LRRC7: variants seen among roughly 807,000 people sequenced by gnomAD.
The protein encoded by LRRC7 is leucine rich repeat containing 7, also known as leucine-rich repeat-containing protein 7.
A neutral mutation model predicts 175.7 loss-of-function variants in LRRC7; 23 were observed. The ratio of observed to expected loss-of-function variants is 0.13; its 90% confidence interval spans 0.09 to 0.19. The LOEUF (loss-of-function observed/expected upper bound fraction) is 0.19, where lower values mean the gene tolerates loss of function less well. Among genes scored for constraint, LRRC7 ranks in the 10% least tolerant of loss-of-function variants. The pLI is 1.00. For synonymous variants in LRRC7, 685 were observed against 680.9 expected, an observed-to-expected ratio of 1.01 and a Z score of -0.09; for missense variants, 1,354 against 1,904.7, an observed-to-expected ratio of 0.71 and a Z score of 5.38.
intron 8 of LRRC7, among the ~76,000 whole-genome samples, chr1:69,934,770 A>G (rs1647813205): frequency 6.6e-6 from 1 of 152,132 alleles, no homozygotes; most frequent in South Asian, 2.1e-4. Flanking sequence ...ATGGAACCAG[A>G]TAACATTAAC....
intron 1 of LRRC7, among the ~76,000 whole-genome samples, chr1:69,642,122 C>T (rs1414451598): frequency 6.6e-6 from 1 of 151,850 alleles, no homozygotes; most frequent in African/African-American, 2.4e-5. Context: ...TAATAGTTTA[C>T]AAGGCCTATT....
chr1:69,717,783 A>AAAGG (rs1665573481), intron 2 of LRRC7, among the ~76,000 whole-genome samples: 1 of 25,212 alleles, frequency 4.0e-5, no homozygotes. Flanking sequence ...AGAAAGAAAG[A>AAAGG]AAGAAAGAAA....
chr1:70,132,018 T>C lies in LRRC7; in HGVS notation c.*10131T>C, dbSNP rs1378687486. Among the ~76,000 whole-genome samples the C allele has an allele frequency of 6.6e-6, 1 of 152,016 alleles. No homozygotes were observed. Among genetic ancestry groups the C allele is most frequent in the Non-Finnish European group, 1.5e-5 (1 of 67,990 alleles). The stretch of plus-strand genomic sequence containing the variant: ...GGGAAAGAGGGGAATTAATAAGTTA[T>C]TAAGGAAGAAAGAATGAGAAAGACA... On this transcript the variant is annotated 3_prime_UTR_variant, in exon 27 of 27. Coordinates refer to ENST00000651989, the MANE Select transcript of LRRC7 (RefSeq NM_001370785.2).
rs1666257688 is a variant in LRRC7, at chr1:70,122,406, A to G, written c.*519A>G. On this transcript the variant is annotated 3_prime_UTR_variant, in exon 27 of 27. Coordinates refer to ENST00000651989, the MANE Select transcript of LRRC7 (RefSeq NM_001370785.2). ...ACTAAACATCTCAGATAGAGAAAAAATATATCTTAAAATAAGACTTTACTA... is the reference window on the plus strand; with the variant it reads ...ACTAAACATCTCAGATAGAGAAAAAGTATATCTTAAAATAAGACTTTACTA... 1 of 152,224 alleles carries G rather than the reference A, an allele frequency of 6.6e-6. No individual in the cohort carries two copies. The highest frequency in any genetic ancestry group is 2.1e-4 in the South Asian group (1 of 4,840). 9.4% of individuals were successfully genotyped at this position (152,224 alleles called of 1,614,324 possible). A position where few individuals can be genotyped will look rare whatever the true frequency, so the allele number is the denominator to read the frequency against.
chr1:69,936,596 G>A (rs1648053313), intron 8 of LRRC7, among the ~76,000 whole-genome samples: 1 of 152,090 alleles, frequency 6.6e-6, no homozygotes. Context: ...TTCAGGTGGT[G>A]CATGTGCAGG....
chr1:70,023,062 A>G (rs1657682788), intron 16 of LRRC7, 64 bp from the exon 17 acceptor site: 2 of 1,363,560 alleles, frequency 1.5e-6, no homozygotes, highest in Admixed American at 2.7e-5. Context: ...GAAAAATGAT[A>G]AAGTGAAAGT....
At chr1:69,656,125 A>G (rs1416751210) in intron 1 of LRRC7, among the ~76,000 whole-genome samples, 1 of 152,024 alleles carries the variant, frequency 6.6e-6, no homozygotes, top group African/African-American at 2.4e-5. Flanking sequence ...AATGGGATGC[A>G]AAAGAGCCAG....
intron 1 of LRRC7, among the ~76,000 whole-genome samples, chr1:69,643,663 G>A (rs1326692854): frequency 6.6e-6 from 1 of 152,052 alleles, no homozygotes; most frequent in Admixed American, 6.6e-5. Flanking sequence ...CCCTCTCTCT[G>A]TTTAAAATTA....
chr1:69,959,230 T>C (rs913944390), intron 8 of LRRC7, among the ~76,000 whole-genome samples: 5 of 152,142 alleles, frequency 3.3e-5, no homozygotes, highest in Non-Finnish European at 5.9e-5. Context: ...ATTCAACCAA[T>C]GTTAAGTTCA....
chr1:69,568,701 C>T (rs999337940), intron 1 of LRRC7, 60 bp downstream of exon 1: 206 of 1,272,304 alleles, frequency 1.6e-4, no homozygotes, highest in Non-Finnish European at 2.0e-4. Context: ...CCGCGGCGAC[C>T]GTAGGCGCGC....
At chr1:69,608,899 TACACACACACACAC>T (rs1349854926) in intron 1 of LRRC7, among the ~76,000 whole-genome samples, 6 of 123,722 alleles carry the variant, frequency 4.8e-5, no homozygotes, top group African/African-American at 9.4e-5. Flanking sequence ...TATATATATA[TACACACACACACAC>T]ATATATATAA....
intron 21 of LRRC7, among the ~76,000 whole-genome samples, chr1:70,042,356 C>A (rs1659980531): frequency 6.6e-6 from 1 of 152,170 alleles, no homozygotes; most frequent in South Asian, 2.1e-4. Flanking sequence ...GCTTCTTTCC[C>A]AGTGAAATTT....
chr1:69,939,938 A>G (rs1648540604), intron 8 of LRRC7, among the ~76,000 whole-genome samples: 1 of 152,128 alleles, frequency 6.6e-6, no homozygotes, highest in Non-Finnish European at 1.5e-5. Context: ...TGAAGCATCA[A>G]TCCCAATTTA....
chr1:69,910,249 G>A (rs191864322), intron 7 of LRRC7, among the ~76,000 whole-genome samples: 2 of 152,330 alleles, frequency 1.3e-5, no homozygotes, highest in African/African-American at 4.8e-5. Context: ...TCCTTTGGAG[G>A]AGGAGAGGTG....
At chr1:69,962,620 T>C (rs539193598) in intron 8 of LRRC7, among the ~76,000 whole-genome samples, 1 of 152,250 alleles carries the variant, frequency 6.6e-6, no homozygotes, top group Admixed American at 6.5e-5. Flanking sequence ...ATGTAGTACA[T>C]ATACACCAAG....
chr1:70,006,078 A>C (rs943054437), intron 11 of LRRC7, among the ~76,000 whole-genome samples: 5 of 152,136 alleles, frequency 3.3e-5, no homozygotes, highest in Non-Finnish European at 5.9e-5. Context: ...AACAACTTAA[A>C]TGATTTTTAA....
At chr1:69,654,833 A>G (rs900922513) in intron 1 of LRRC7, among the ~76,000 whole-genome samples, 1 of 152,156 alleles carries the variant, frequency 6.6e-6, no homozygotes, top group Non-Finnish European at 1.5e-5. Context: ...TAAATGATAA[A>G]TTGTTTTAAT....
intron 26 of LRRC7, among the ~76,000 whole-genome samples, chr1:70,116,707 T>C (rs1326029133): frequency 6.6e-6 from 1 of 152,178 alleles, no homozygotes; most frequent in Non-Finnish European, 1.5e-5. Context: ...TGAACGTCTA[T>C]AATTCAGGTT....
chr1:70,061,747 C>G (rs2102086190), intron 23 of LRRC7, among the ~76,000 whole-genome samples: 1 of 152,170 alleles, frequency 6.6e-6, no homozygotes, highest in Non-Finnish European at 1.5e-5. Flanking sequence ...GCCTTCATCT[C>G]CAGTGAGACT....
Sources: gnomAD v4.1 joint callset for allele counts (sites outside exome capture counted in the v4.1 genomes callset) on GRCh38, gnomAD v4.1.1 for gene constraint, MANE v1.5 for transcripts, NCBI Gene and HGNC (gene_info 2026-07-23, HGNC 2026-07-21) for gene names.